The following CHIC1 variants were observed in gnomAD, a reference collection of about 807,000 sequenced individuals.
CHIC1 encodes the protein cysteine-rich hydrophobic domain-containing protein 1.
Under a neutral mutation model 18.5 loss-of-function variants are expected in CHIC1, and 7 were observed. That is an observed-to-expected ratio of 0.38 (90% CI 0.22 to 0.71). CHIC1 has a LOEUF of 0.71. CHIC1 is among the 30% of genes least tolerant of loss of function. The pLI is 0.49. For synonymous variants in CHIC1, 77 were observed against 73.5 expected, an observed-to-expected ratio of 1.05 and a Z score of -0.25; for missense variants, 159 against 176.9, an observed-to-expected ratio of 0.90 and a Z score of 0.57.
intron 3 of CHIC1, 106 bp downstream of exon 3, chrX:73,584,678 C>A (rs1429069144): frequency 5.4e-6 from 3 of 553,074 alleles, no homozygotes; most frequent in East Asian, 3.8e-5. Flanking sequence ...TTAGTTAATT[C>A]TTGTAACAAT....
chrX:73,665,384 C>T (rs1339666577), intron 3 of CHIC1, among the ~76,000 whole-genome samples: 1 of 111,172 alleles, frequency 9.0e-6, no homozygotes, highest in African/African-American at 3.3e-5. Context: ...TTGAAGATTT[C>T]TCTTCACTTG....
At position 73,583,446 on chromosome X, in the gene CHIC1, G is replaced by T. The variant is rs753850962; in HGVS notation, c.352-971G>T. Among the ~76,000 whole-genome samples the T allele has an allele frequency of 6.3e-5, 7 of 110,895 alleles. No individual in the cohort carries two copies. The South Asian group carries it at 2.6e-3, about 42-fold the overall frequency. ...TATTTTTGATTCCTAACCTGCTAAT[G>T]CGGTTTTTATTTTATAATACCTTAC... On this transcript the variant is annotated intron_variant, in intron 2 of 5. Transcript: ENST00000373502.
chrX:73,624,389 A>G (rs2057774225), intron 3 of CHIC1, among the ~76,000 whole-genome samples: 1 of 111,972 alleles, frequency 8.9e-6, no homozygotes, highest in African/African-American at 3.2e-5. Context: ...ACTTTTAACC[A>G]TAGTGCTCTT....
chrX:73,660,674 A>G (rs2057975420), intron 3 of CHIC1, among the ~76,000 whole-genome samples: 1 of 110,793 alleles, frequency 9.0e-6, no homozygotes, highest in Non-Finnish European at 1.9e-5. Context: ...CTGGGTCTGC[A>G]GATCCTGCAG....
At chrX:73,634,729 T>C (rs1372169412) in intron 3 of CHIC1, among the ~76,000 whole-genome samples, 1 of 111,506 alleles carries the variant, frequency 9.0e-6, no homozygotes, top group Admixed American at 9.5e-5. Flanking sequence ...AATTTAACCA[T>C]ACAGATTCCC....
At chrX:73,675,364 C>T (rs1180394992) in intron 3 of CHIC1, among the ~76,000 whole-genome samples, 1 of 111,531 alleles carries the variant, frequency 9.0e-6, no homozygotes, top group African/African-American at 3.3e-5. Flanking sequence ...GTCTGGGAGT[C>T]TAAATCTCTT....
chrX:73,623,364 C>T (rs1280868032), intron 3 of CHIC1, among the ~76,000 whole-genome samples: 1 of 110,957 alleles, frequency 9.0e-6, no homozygotes, highest in East Asian at 2.8e-4. Context: ...AATCTCGTTG[C>T]TCCTGTATTG....
intron 3 of CHIC1, among the ~76,000 whole-genome samples, chrX:73,648,297 G>A (rs2057899169): frequency 8.9e-6 from 1 of 111,905 alleles, no homozygotes; most frequent in African/African-American, 3.2e-5. Flanking sequence ...CAAAATACCA[G>A]AGTGCCTCTT....
At chrX:73,639,100 A>G (rs946103414) in intron 3 of CHIC1, among the ~76,000 whole-genome samples, 40 of 111,961 alleles carry the variant, frequency 3.6e-4, no homozygotes, top group African/African-American at 1.3e-3. Flanking sequence ...AGGAATCACC[A>G]CACCATTTTC....
chrX:73,678,638 T>C (rs1345244461), intron 3 of CHIC1, among the ~76,000 whole-genome samples: 1 of 112,479 alleles, frequency 8.9e-6, no homozygotes, highest in Admixed American at 9.4e-5. Context: ...TTTAATGTTT[T>C]GAAAAGCTTT....
In CHIC1 at chrX:73,682,817, A is replaced by C. The variant is rs747823133; in HGVS notation, c.*1812A>C. ...TATAGACAAGGTAGAAGCCTCTGAA[A>C]ATGTATACCAAATGTCTTGTTTTGT... On this transcript the variant is annotated 3_prime_UTR_variant, in exon 6 of 6. Coordinates refer to ENST00000373502, the MANE Select transcript of CHIC1 (RefSeq NM_001039840.4). 8.1e-5 allele frequency: 9 copies of C among 111,404 alleles called. No homozygotes were observed. The East Asian group carries it at 2.6e-3, about 32-fold the overall frequency. The allele number at this position is 111,404 out of a possible 1,213,427, so 9.2% of individuals were successfully genotyped here. A position where few individuals can be genotyped will look rare whatever the true frequency, so the allele number is the denominator to read the frequency against.
At chrX:73,565,264 C>T (rs2057440096) in intron 1 of CHIC1, among the ~76,000 whole-genome samples, 1 of 111,782 alleles carries the variant, frequency 8.9e-6, no homozygotes, top group Non-Finnish European at 1.9e-5. Flanking sequence ...TAATTTTATA[C>T]TCCAACATTC....
chrX:73,621,043 G>A (rs773254837), intron 3 of CHIC1, among the ~76,000 whole-genome samples: 1 of 111,734 alleles, frequency 8.9e-6, no homozygotes, highest in Admixed American at 9.5e-5. Flanking sequence ...CCTCTGTTCT[G>A]TTCCATTGGA....
intron 3 of CHIC1, among the ~76,000 whole-genome samples, chrX:73,641,506 T>C (rs2057856099): frequency 9.0e-6 from 1 of 111,144 alleles, no homozygotes; most frequent in Non-Finnish European, 1.9e-5. Context: ...TTTTATGAGA[T>C]CAATTTTTTT....
At chrX:73,648,194 C>G (rs1038555766) in intron 3 of CHIC1, among the ~76,000 whole-genome samples, 9 of 108,633 alleles carry the variant, frequency 8.3e-5, no homozygotes, top group African/African-American at 3.0e-4. Flanking sequence ...CAACAAAAAC[C>G]CCAAGGGACA....
At chrX:73,577,754 A>G (rs2057507160) in intron 2 of CHIC1, among the ~76,000 whole-genome samples, 1 of 110,377 alleles carries the variant, frequency 9.1e-6, no homozygotes, top group Non-Finnish European at 1.9e-5. Context: ...TATTTGGGTC[A>G]TTAATTTCCA....
At chrX:73,577,672 A>G (rs772924750) in intron 2 of CHIC1, among the ~76,000 whole-genome samples, 1 of 110,334 alleles carries the variant, frequency 9.1e-6, no homozygotes, top group Non-Finnish European at 1.9e-5. Context: ...AATGCCAGCC[A>G]TTATTTATTT....
intron 3 of CHIC1, among the ~76,000 whole-genome samples, chrX:73,596,485 T>A (rs1363864837): frequency 9.0e-6 from 1 of 111,731 alleles, no homozygotes; most frequent in African/African-American, 3.3e-5. Flanking sequence ...GATATCCCCA[T>A]CAAGCTATGA....
intron 3 of CHIC1, among the ~76,000 whole-genome samples, chrX:73,647,465 A>C (rs1236094323): frequency 2.7e-5 from 3 of 111,980 alleles, no homozygotes; most frequent in Non-Finnish European, 1.9e-5. Context: ...ACTAAGCTCC[A>C]TGGGCAGGGG....
Sources: gnomAD v4.1 joint callset for allele counts (sites outside exome capture counted in the v4.1 genomes callset) on GRCh38, gnomAD v4.1.1 for gene constraint, MANE v1.5 for transcripts, NCBI Gene and HGNC (gene_info 2026-07-23, HGNC 2026-07-21) for gene names.